The following C8orf34 variants were observed in gnomAD, a reference collection of about 807,000 sequenced individuals.
The protein encoded by C8orf34 is uncharacterized protein C8orf34.
In C8orf34, 65 loss-of-function variants were observed where a neutral mutation model predicts 68.3. That is an observed-to-expected ratio of 0.95 (90% CI 0.78 to 1.17). C8orf34 has a LOEUF of 1.17. Among genes scored for constraint, C8orf34 ranks in the 50% most tolerant of loss-of-function variants. The pLI is 0.00. For synonymous variants in C8orf34, 244 were observed against 241.2 expected, an observed-to-expected ratio of 1.01 and a Z score of -0.11; for missense variants, 664 against 655.4, an observed-to-expected ratio of 1.01 and a Z score of -0.14.
At chr8:68,675,035 T>G (rs545582395) in intron 8 of C8orf34, among the ~76,000 whole-genome samples, 1 of 152,212 alleles carries the variant, frequency 6.6e-6, no homozygotes, top group East Asian at 1.9e-4. Flanking sequence ...ACTTTTACCC[T>G]AGAATAATAT....
At chr8:68,730,072 A>G (rs576923166) in intron 10 of C8orf34, among the ~76,000 whole-genome samples, 2 of 152,286 alleles carry the variant, frequency 1.3e-5, no homozygotes, top group East Asian at 1.9e-4. Flanking sequence ...ATGTCCATCT[A>G]TAATGGAAAA....
intron 8 of C8orf34, chr8:68,695,923 G>T (rs1001708906): frequency 6.6e-6 from 1 of 151,794 alleles, no homozygotes; most frequent in Non-Finnish European, 1.5e-5. Flanking sequence ...ATGTTGTTTT[G>T]CTGCTTGCTC....
chr8:68,410,763 CA>C (rs894874295), intron 1 of C8orf34, among the ~76,000 whole-genome samples: 2 of 152,176 alleles, frequency 1.3e-5, no homozygotes, highest in African/African-American at 4.8e-5. Flanking sequence ...GAAGAATTCT[CA>C]GGCAGATGGC....
chr8:68,352,596 A>T (rs1009942236), intron 1 of C8orf34, among the ~76,000 whole-genome samples: 1 of 151,982 alleles, frequency 6.6e-6, no homozygotes, highest in African/African-American at 2.4e-5. Context: ...GCACTCCTTT[A>T]CGCACATGAT....
At chr8:68,460,361 A>G (rs1325916298) in intron 3 of C8orf34, among the ~76,000 whole-genome samples, 10 of 152,232 alleles carry the variant, frequency 6.6e-5, no homozygotes. Flanking sequence ...CTCTGGGGGC[A>G]GGGCACAGAC....
intron 1 of C8orf34, among the ~76,000 whole-genome samples, chr8:68,411,711 C>T (rs1257890398): frequency 1.3e-5 from 2 of 152,170 alleles, no homozygotes; most frequent in Non-Finnish European, 2.9e-5. Context: ...AACTGTATTA[C>T]CAGCAATTAC....
At chr8:68,626,958 AT>A (rs113596387) in intron 7 of C8orf34, among the ~76,000 whole-genome samples, 1,963 of 152,210 alleles carry the variant, frequency 0.013, 39 homozygotes, top group African/African-American at 0.044. Context: ...AATATATAAG[AT>A]TTTTTTATCC....
chr8:68,461,297 G>T (rs1811811269), intron 3 of C8orf34, among the ~76,000 whole-genome samples: 1 of 152,200 alleles, frequency 6.6e-6, no homozygotes, highest in Non-Finnish European at 1.5e-5. Context: ...TATGTGAAAA[G>T]ACCAAATCTA....
At chr8:68,369,666 C>T (rs1042427889) in intron 1 of C8orf34, among the ~76,000 whole-genome samples, 2 of 152,046 alleles carry the variant, frequency 1.3e-5, no homozygotes, top group Non-Finnish European at 2.9e-5. Flanking sequence ...ACTGATGTCC[C>T]ATAGTAAGGC....
At chr8:68,522,071 AT>A in intron 6 of C8orf34, 100 bp downstream of exon 6, 2 of 1,092,274 alleles carry the variant, frequency 1.8e-6, no homozygotes, top group Non-Finnish European at 1.3e-6. Context: ...CGTTTTAGTA[AT>A]TTTTTATAGA....
chr8:68,516,620 CTATTTATTTATTTATT>C (rs200892538), intron 5 of C8orf34, among the ~76,000 whole-genome samples: 3 of 150,070 alleles, frequency 2.0e-5, no homozygotes, highest in Non-Finnish European at 3.0e-5. Context: ...ACTGGGAATG[CTATTTATTTATTTATT>C]TATTTATTTA....
chr8:68,793,217 G>GATTGTATAAAA (rs1824064527), intron 12 of C8orf34, among the ~76,000 whole-genome samples: 1 of 152,084 alleles, frequency 6.6e-6, no homozygotes, highest in South Asian at 2.1e-4. Flanking sequence ...AAAGCACATA[G>GATTGTATAAAA]ATTGTATAAA....
chr8:68,795,982 A>G (rs952919958), intron 12 of C8orf34, among the ~76,000 whole-genome samples: 59 of 152,200 alleles, frequency 3.9e-4, no homozygotes, highest in African/African-American at 1.3e-3. Flanking sequence ...GGCAGCTTCC[A>G]TATAAGTCAA....
At chr8:68,480,117 G>C (rs183706256) in intron 4 of C8orf34, among the ~76,000 whole-genome samples, 4 of 152,296 alleles carry the variant, frequency 2.6e-5, no homozygotes, top group Non-Finnish European at 4.4e-5. Flanking sequence ...AACTTGAATT[G>C]TATCTCCCAG....
chr8:68,690,961 C>G (rs779852150), intron 8 of C8orf34, among the ~76,000 whole-genome samples: 7 of 152,064 alleles, frequency 4.6e-5, no homozygotes, highest in Non-Finnish European at 1.0e-4. Flanking sequence ...TCCTTCTGGT[C>G]TAGGGAGAAC....
chr8:68,414,677 T>C (rs974118967), intron 1 of C8orf34, among the ~76,000 whole-genome samples: 2 of 152,132 alleles, frequency 1.3e-5, no homozygotes, highest in Non-Finnish European at 2.9e-5. Flanking sequence ...TACAGTAGGA[T>C]GAGGGTTGTC....
intron 10 of C8orf34, among the ~76,000 whole-genome samples, chr8:68,749,642 T>C (rs944169981): frequency 6.6e-5 from 10 of 152,186 alleles, no homozygotes; most frequent in Non-Finnish European, 5.9e-5. Context: ...TGATATACTT[T>C]CTGTTCCTAT....
intron 5 of C8orf34, among the ~76,000 whole-genome samples, chr8:68,508,986 C>T (rs1814144185): frequency 6.6e-6 from 1 of 152,136 alleles, no homozygotes; most frequent in Admixed American, 6.5e-5. Context: ...AGGTTCCTCC[C>T]TGCTGCAAAT....
At chr8:68,428,417 C>A (rs917492392) in intron 1 of C8orf34, among the ~76,000 whole-genome samples, 3 of 151,904 alleles carry the variant, frequency 2.0e-5, no homozygotes, top group South Asian at 2.1e-4. Context: ...ACAAGCCATG[C>A]GTGATAACTG....
Sources: gnomAD v4.1 joint callset for allele counts (sites outside exome capture counted in the v4.1 genomes callset) on GRCh38, gnomAD v4.1.1 for gene constraint, MANE v1.5 for transcripts, NCBI Gene and HGNC (gene_info 2026-07-23, HGNC 2026-07-21) for gene names.